ACBD6: variants seen among roughly 807,000 people sequenced by gnomAD.
ACBD6 encodes the protein acyl-CoA-binding domain-containing protein 6.
A neutral mutation model predicts 37.2 loss-of-function variants in ACBD6; 28 were observed. The ratio of observed to expected loss-of-function variants is 0.75; its 90% CI spans 0.56 to 1.03. ACBD6 has a LOEUF of 1.03. Ranked by LOEUF, ACBD6 falls within the 50% of genes least tolerant of loss-of-function variation. The pLI, the probability that ACBD6 is intolerant of heterozygous loss-of-function variation, is 0.00. For missense variants in ACBD6, 340 were observed against 337.4 expected, an observed-to-expected ratio of 1.01 and a Z score of -0.06; for synonymous variants, 113 against 126.8, an observed-to-expected ratio of 0.89 and a Z score of 0.73.
rs180725260 is a variant in ACBD6, at chr1:180,274,698, T to C, written c.*889A>G. The C allele has an allele frequency of 1.8e-3, 2,169 of 1,221,792 alleles. 4 individuals are homozygous for C. The highest frequency in any genetic ancestry group is 2.2e-3 in the Non-Finnish European group (1,945 of 883,964). The allele number at this position is 1,221,792 out of a possible 1,614,324, so 75.7% of individuals were successfully genotyped here. ...CAATGTGAATTTCCATTATTTTCAA[T>C]GGAAGTCCTCCGCTGATTCCTAGAA... On this transcript the variant is annotated 3_prime_UTR_variant, in exon 10 of 14. Coordinates refer to the ACBD6 transcript ENST00000642319.
chr1:180,333,513 T>C (rs1279507913), intron 6 of ACBD6, among the ~76,000 whole-genome samples: 1 of 152,222 alleles, frequency 6.6e-6, no homozygotes, highest in Non-Finnish European at 1.5e-5. Flanking sequence ...CATAGATTTA[T>C]GTAAATATTT....
intron 7 of ACBD6, among the ~76,000 whole-genome samples, chr1:180,294,312 G>C (rs903129225): frequency 6.6e-6 from 1 of 151,978 alleles, no homozygotes; most frequent in Non-Finnish European, 1.5e-5. Flanking sequence ...GCCAAGGCAG[G>C]CAGATTGCCT....
intron 9 of ACBD6, chr1:180,276,170 C>A (rs369707025): frequency 6.6e-6 from 1 of 152,202 alleles, no homozygotes; most frequent in African/African-American, 2.4e-5. Flanking sequence ...TTGCCTATCA[C>A]ATGAAGTGAT....
chr1:180,315,309 T>G (rs1303304992), intron 6 of ACBD6, among the ~76,000 whole-genome samples: 1 of 152,196 alleles, frequency 6.6e-6, no homozygotes, highest in Non-Finnish European at 1.5e-5. Flanking sequence ...AACATTTCAG[T>G]TATTTTCCTT....
intron 3 of ACBD6, among the ~76,000 whole-genome samples, chr1:180,446,120 A>C (rs1053679980): frequency 8.6e-5 from 13 of 151,560 alleles, no homozygotes; most frequent in Admixed American, 8.5e-4. Context: ...CTCCCACCTC[A>C]GCCTCCCAAG....
chr1:180,411,186 CA>C (rs1176261078), intron 5 of ACBD6, among the ~76,000 whole-genome samples: 1 of 152,162 alleles, frequency 6.6e-6, no homozygotes, highest in African/African-American at 2.4e-5. Flanking sequence ...GATAAGCAAA[CA>C]AAGTGGTTTC....
chr1:180,398,059 TACAACA>T lies in ACBD6; in HGVS notation c.574-460_574-455del, dbSNP rs10583778. Among the ~76,000 whole-genome samples, 486 of 149,250 alleles carry T rather than the reference TACAACA, an allele frequency of 3.3e-3. 4 individuals are homozygous for T. The highest frequency in any genetic ancestry group is 5.4e-3 in the Non-Finnish European group (364 of 67,276). Reference sequence around the variant, plus strand: ...CAGGGCAAAACTCCATCTCAAAAACTACAACAACAACAACAACAACAACAACAACAA... The same window carrying T: ...CAGGGCAAAACTCCATCTCAAAAACTACAACAACAACAACAACAACAACAA... On this transcript the variant is annotated intron_variant, in intron 5 of 7. Coordinates refer to ENST00000367595, the MANE Select transcript of ACBD6 (RefSeq NM_032360.4).
intron 2 of ACBD6, among the ~76,000 whole-genome samples, chr1:180,495,005 G>A (rs1571583213): frequency 6.6e-6 from 1 of 152,274 alleles, no homozygotes; most frequent in East Asian, 1.9e-4. Flanking sequence ...TGGCATGGGT[G>A]GGGCAAGGAA....
chr1:180,502,220 C>T lies in ACBD6; in HGVS notation c.47G>A (p.Gly16Asp). 1 of 1,613,938 alleles carries T rather than the reference C, an allele frequency of 6.2e-7. No homozygotes were observed. The highest frequency in any genetic ancestry group is 8.5e-7 in the Non-Finnish European group (1 of 1,180,046). Reference sequence around the variant, plus strand: ...GTCGTCCCCTGAGCTCAGCTCTCCACCGCTGTCGCCGGTGATGGCCCCCGC... The same window carrying T: ...GTCGTCCCCTGAGCTCAGCTCTCCATCGCTGTCGCCGGTGATGGCCCCCGC... ...LPAGAITGDS[G>D]GELSSGDDSG... Residue 16 changes from glycine to aspartate, a missense_variant, in exon 1 of 8, where the codon GGT becomes GAT. By Grantham distance (94) the Gly-to-Asp change is moderately conservative (BLOSUM62 -1). Coordinates refer to ENST00000367595, the MANE Select transcript of ACBD6 (RefSeq NM_032360.4).
intron 5 of ACBD6, among the ~76,000 whole-genome samples, chr1:180,398,722 T>A (rs1047302891): frequency 1.3e-5 from 2 of 152,166 alleles, no homozygotes; most frequent in Non-Finnish European, 1.5e-5. Flanking sequence ...TTCAAAAGAA[T>A]AAACAAAACC....
At chr1:180,409,862 C>A (rs112879143) in intron 5 of ACBD6, among the ~76,000 whole-genome samples, 1,772 of 152,198 alleles carry the variant, frequency 0.012, 32 homozygotes, top group African/African-American at 0.041. Context: ...CAATCAAATG[C>A]CAGAAATGAT....
rs181080812 is a variant in ACBD6 at position 180,407,955 on chromosome 1, A to C, written c.573+5411T>G. Among the ~76,000 whole-genome samples the C allele has an allele frequency of 1.1e-3, 168 of 152,348 alleles. 1 individual carries two copies. Among genetic ancestry groups the C allele is most frequent in the African/African-American group, 3.9e-3 (164 of 41,592 alleles). On this transcript the variant is annotated intron_variant, in intron 5 of 7. Coordinates refer to ENST00000367595, the MANE Select transcript of ACBD6 (RefSeq NM_032360.4). ...GGCCTACTTATTGATTTGTTATATT[A>C]TCATCATCCTTCACTCATACTATTA...
At chr1:180,495,930 C>T (rs569617068) in intron 1 of ACBD6, among the ~76,000 whole-genome samples, 180 of 152,202 alleles carry the variant, frequency 1.2e-3, no homozygotes, top group African/African-American at 3.7e-3. Flanking sequence ...ATTCATAACA[C>T]TGTTTCTTCA....
In ACBD6 at chr1:180,298,491, C is replaced by T. The variant is rs551653754; in HGVS notation, c.695-9974G>A. Among the ~76,000 whole-genome samples, 6 of 152,262 alleles carry T rather than the reference C, an allele frequency of 3.9e-5. No individual in the cohort carries two copies. The South Asian group carries it at 1.0e-3, about 26-fold the overall frequency. On this transcript the variant is annotated intron_variant, in intron 7 of 7. Coordinates refer to ENST00000367595, the MANE Select transcript of ACBD6 (RefSeq NM_032360.4). ...ATCTCAGACAAAGGGACATTAATTA[C>T]ATTTATGCTGTATGATGATGTGACC...
intron 6 of ACBD6, among the ~76,000 whole-genome samples, chr1:180,377,352 C>A (rs574331953): frequency 4.6e-4 from 70 of 152,156 alleles, no homozygotes; most frequent in Non-Finnish European, 7.6e-4. Context: ...GTAGCTCTGG[C>A]CATTAAGAGA....
chr1:180,451,951 A>T (rs536089897), intron 3 of ACBD6, among the ~76,000 whole-genome samples: 1 of 152,192 alleles, frequency 6.6e-6, no homozygotes, highest in African/African-American at 2.4e-5. Flanking sequence ...ACTAGGAAAG[A>T]CTATACTTTC....
intron 7 of ACBD6, among the ~76,000 whole-genome samples, chr1:180,298,056 TTA>T (rs1235330038): frequency 1.3e-5 from 2 of 152,212 alleles, no homozygotes; most frequent in Non-Finnish European, 2.9e-5. Flanking sequence ...AAAAATAATT[TTA>T]GTCAACATTT....
chr1:180,300,752 G>C (rs1269227081), intron 7 of ACBD6, among the ~76,000 whole-genome samples: 1 of 151,848 alleles, frequency 6.6e-6, no homozygotes, highest in Non-Finnish European at 1.5e-5. Flanking sequence ...ATAAACTCTT[G>C]GTGAACAGAA....
intron 3 of ACBD6, among the ~76,000 whole-genome samples, chr1:180,488,988 A>G (rs74438790): frequency 0.13 from 19,424 of 152,062 alleles, 1,801 homozygotes; most frequent in East Asian, 0.36. Context: ...TTTTGTGAAG[A>G]TATCAAAAGA....
Sources: allele counts gnomAD v4.1 joint callset (sites outside exome capture counted in the v4.1 genomes callset), GRCh38; gene constraint gnomAD v4.1.1; transcripts MANE v1.5; gene names NCBI Gene and HGNC (gene_info 2026-07-23, HGNC 2026-07-21).